The following IRAK2 variants were observed in gnomAD, a reference collection of about 807,000 sequenced individuals.
The protein encoded by IRAK2 is interleukin 1 receptor associated kinase 2, also known as interleukin-1 receptor-associated kinase-like 2.
A neutral mutation model predicts 72.0 loss-of-function variants in IRAK2; 57 were observed. The observed-to-expected ratio is 0.79, with a 90% CI of 0.64 to 0.99. The LOEUF (loss-of-function observed/expected upper bound fraction) is 0.99, where lower values mean the gene tolerates loss of function less well. Ranked by LOEUF, IRAK2 falls within the 50% of genes least tolerant of loss-of-function variation. The pLI, the probability that IRAK2 is intolerant of heterozygous loss-of-function variation, is 0.00. For synonymous variants in IRAK2, 293 were observed against 312.7 expected (o/e 0.94, Z 0.67); for missense variants, 790 against 794.4 (o/e 0.99, Z 0.07).
chr3:10,189,161 G>C (rs752211884), intron 2 of IRAK2, among the ~76,000 whole-genome samples: 38 of 152,232 alleles, frequency 2.5e-4, no homozygotes, highest in Non-Finnish European at 4.6e-4. Context: ...GGGCAGGTAG[G>C]AGAGTGCAAG....
intron 3 of IRAK2, among the ~76,000 whole-genome samples, chr3:10,202,580 G>A (rs1441806967): frequency 3.9e-5 from 6 of 151,960 alleles, no homozygotes; most frequent in Non-Finnish European, 8.8e-5. Context: ...CTGAGATCGT[G>A]CCACTGCATT....
At chr3:10,220,837 A>G (rs908556602) in intron 8 of IRAK2, among the ~76,000 whole-genome samples, 1 of 152,154 alleles carries the variant, frequency 6.6e-6, no homozygotes, top group Non-Finnish European at 1.5e-5. Flanking sequence ...CCCATGACTC[A>G]TCAGCTGGCC....
chr3:10,174,423 C>G (rs1359079329), intron 1 of IRAK2, among the ~76,000 whole-genome samples: 1 of 152,172 alleles, frequency 6.6e-6, no homozygotes, highest in East Asian at 1.9e-4. Context: ...AACTCCAAAG[C>G]TGGGCATTCA....
At chr3:10,228,963 C>T (rs867955131) in intron 10 of IRAK2, among the ~76,000 whole-genome samples, 5 of 151,054 alleles carry the variant, frequency 3.3e-5, no homozygotes, top group Non-Finnish European at 5.9e-5. Context: ...GACAGAGTCT[C>T]GCTCTGTTGC....
intron 2 of IRAK2, among the ~76,000 whole-genome samples, chr3:10,197,667 A>G (rs1246525889): frequency 1.3e-5 from 2 of 150,908 alleles, no homozygotes; most frequent in African/African-American, 2.4e-5. Flanking sequence ...CCTGGCTAAC[A>G]CGCTGAAACC....
chr3:10,215,748 G>T (rs1697594794), intron 6 of IRAK2, among the ~76,000 whole-genome samples: 1 of 82,544 alleles, frequency 1.2e-5, no homozygotes, highest in African/African-American at 4.0e-5. Flanking sequence ...ATACTCACAT[G>T]TGTACACACA....
intron 10 of IRAK2, among the ~76,000 whole-genome samples, chr3:10,231,858 G>T (rs1009290169): frequency 6.6e-6 from 1 of 152,082 alleles, no homozygotes; most frequent in Non-Finnish European, 1.5e-5. Context: ...CGGGCACGGT[G>T]GCTCAAGCCT....
chr3:10,220,460 G>A (rs1274699479), intron 8 of IRAK2, among the ~76,000 whole-genome samples: 1 of 150,606 alleles, frequency 6.6e-6, no homozygotes, highest in Non-Finnish European at 1.5e-5. Flanking sequence ...TTTGTTTTTT[G>A]AGACGGAGTT....
At chr3:10,169,503 A>G (rs948413108) in intron 1 of IRAK2, among the ~76,000 whole-genome samples, 58 of 152,336 alleles carry the variant, frequency 3.8e-4, no homozygotes, top group African/African-American at 1.3e-3. Flanking sequence ...AAAAGAATTC[A>G]GCGATATTTC....
At chr3:10,207,205 G>A (rs756726540) in intron 3 of IRAK2, among the ~76,000 whole-genome samples, 3 of 150,986 alleles carry the variant, frequency 2.0e-5, no homozygotes, top group South Asian at 2.1e-4. Context: ...CACCTGCCTC[G>A]GCCTCCCAAA....
rs1424177382 is a variant in IRAK2, at chr3:10,165,069, G to A, written c.94+21G>A. The A allele has an allele frequency of 6.9e-6, 11 of 1,598,666 alleles. 1 individual carries two copies. In the South Asian group the frequency reaches 1.1e-4, roughly 16 times the overall value. On this transcript the variant is annotated intron_variant, in intron 1 of 12. Coordinates refer to ENST00000256458, the MANE Select transcript of IRAK2 (RefSeq NM_001570.4). ...GTTCGGTGAGTGCGGCCCGGGGAGG[G>A]GAGGGGACCAGGGCGACCGGAGCCC...
At chr3:10,212,029 G>A (rs1431863079) in intron 4 of IRAK2, among the ~76,000 whole-genome samples, 2 of 147,724 alleles carry the variant, frequency 1.4e-5, no homozygotes. Flanking sequence ...GCAGTGAGCC[G>A]AGATCACACC....
At chr3:10,240,991 A>G (rs1352276575) in intron 12 of IRAK2, among the ~76,000 whole-genome samples, 1 of 151,892 alleles carries the variant, frequency 6.6e-6, no homozygotes, top group East Asian at 1.9e-4. Context: ...GAAAGACAGG[A>G]TGTGAGCATT....
intron 3 of IRAK2, among the ~76,000 whole-genome samples, chr3:10,209,382 C>T (rs1697484007): frequency 6.6e-6 from 1 of 152,316 alleles, no homozygotes; most frequent in African/African-American, 2.4e-5. Flanking sequence ...GGATGATAAA[C>T]AGGCCCCAGG....
intron 2 of IRAK2, among the ~76,000 whole-genome samples, chr3:10,184,723 G>GTTTTT (rs55839723): frequency 5.9e-4 from 60 of 102,022 alleles, no homozygotes; most frequent in South Asian, 8.1e-4. Context: ...GTTTTTGTGT[G>GTTTTT]TTTTTTTTTT....
chr3:10,235,996 C>T (rs144058158), intron 11 of IRAK2, among the ~76,000 whole-genome samples: 2,080 of 152,198 alleles, frequency 0.014, 44 homozygotes, highest in African/African-American at 0.047. Context: ...CACATCTGTT[C>T]GGGAACAAGG....
At chr3:10,169,547 G>T (rs1575949158) in intron 1 of IRAK2, among the ~76,000 whole-genome samples, 1 of 152,164 alleles carries the variant, frequency 6.6e-6, no homozygotes. Flanking sequence ...GGCTCTCTGT[G>T]AGAAGAAAAA....
At chr3:10,183,194 A>T (rs1575958385) in intron 2 of IRAK2, among the ~76,000 whole-genome samples, 1 of 152,146 alleles carries the variant, frequency 6.6e-6, no homozygotes, top group African/African-American at 2.4e-5. Context: ...TCTCCAGGGG[A>T]TGTGCCTGGA....
chr3:10,193,902 A>G (rs1697222510), intron 2 of IRAK2, among the ~76,000 whole-genome samples: 2 of 152,246 alleles, frequency 1.3e-5, no homozygotes, highest in Admixed American at 6.5e-5. Context: ...CTGTGCACCA[A>G]GTTGCTGCCC....
Sources: gnomAD v4.1 joint callset for allele counts (sites outside exome capture counted in the v4.1 genomes callset) on GRCh38, gnomAD v4.1.1 for gene constraint, MANE v1.5 for transcripts, NCBI Gene and HGNC (gene_info 2026-07-23, HGNC 2026-07-21) for gene names.